Variants in WDR41 observed in about 807,000 individuals in gnomAD.
WDR41 encodes WD repeat-containing protein 41.
In WDR41, 63 loss-of-function variants were observed where a neutral mutation model predicts 69.3. The observed-to-expected ratio is 0.91, with a 90% confidence interval of 0.74 to 1.12. WDR41 has a LOEUF of 1.12. Ranked by LOEUF, WDR41 falls within the 50% of genes most tolerant of loss-of-function variation. WDR41 has a pLI of 0.00. For missense variants in WDR41, 543 were observed against 534.5 expected, an observed-to-expected ratio of 1.02 and a Z score of -0.16; for synonymous variants, 185 against 192.1, an observed-to-expected ratio of 0.96 and a Z score of 0.31.
chr5:77,443,703 C>G (rs1207612993), intron 8 of WDR41, among the ~76,000 whole-genome samples: 2 of 152,090 alleles, frequency 1.3e-5, no homozygotes, highest in East Asian at 3.9e-4. Context: ...CCCCTTGACT[C>G]TCACTCTGCA....
At chr5:77,614,501 A>G (rs1006214935) in intron 1 of WDR41, among the ~76,000 whole-genome samples, 10 of 151,406 alleles carry the variant, frequency 6.6e-5, no homozygotes, top group Non-Finnish European at 1.2e-4. Context: ...TTGTAGGGAC[A>G]TGGATGAAAT....
At chr5:77,584,463 A>T (rs1415886367) in intron 1 of WDR41, among the ~76,000 whole-genome samples, 2 of 152,328 alleles carry the variant, frequency 1.3e-5, no homozygotes, top group South Asian at 4.1e-4. Flanking sequence ...TAAGAAAGCA[A>T]TTTAATTTAT....
chr5:77,446,275 G>C (rs558381947), intron 8 of WDR41, among the ~76,000 whole-genome samples: 23 of 151,830 alleles, frequency 1.5e-4, no homozygotes, highest in Admixed American at 2.6e-4. Flanking sequence ...GAAATGGGAG[G>C]ACACATATAA....
In WDR41 at chr5:77,431,861, ATTT is replaced by A. The variant is rs1270783446; in HGVS notation, c.*1271_*1273del. 1 of 133,770 alleles carries A rather than the reference ATTT, an allele frequency of 7.5e-6. No homozygotes were observed. The highest frequency in any genetic ancestry group is 2.8e-5 in the African/African-American group (1 of 35,242). The allele number at this position is 133,770 out of a possible 1,614,324, so 8.3% of individuals were successfully genotyped here. ...CTTTTCATGACTCAATGTTGTTTGG[ATTT>A]AAAGTAGTCATATAAGCCTTTTCTC... On this transcript the variant is annotated 3_prime_UTR_variant, in exon 13 of 13. Coordinates refer to ENST00000296679, the MANE Select transcript of WDR41 (RefSeq NM_018268.4).
chr5:77,437,313 C>A, intron 11 of WDR41, 23 bp downstream of exon 11: 1 of 1,604,360 alleles, frequency 6.2e-7, no homozygotes, highest in Non-Finnish European at 8.5e-7. Context: ...AAAAAGACTA[C>A]CTTTTTGAGA....
At chr5:77,476,535 A>G (rs1442694148) in intron 2 of WDR41, among the ~76,000 whole-genome samples, 13 of 151,960 alleles carry the variant, frequency 8.6e-5, no homozygotes, top group Middle Eastern at 3.2e-3. Flanking sequence ...TCTTAAAGAA[A>G]AGAATTTTCA....
chr5:77,529,079 GAA>G (rs1802487850), intron 1 of WDR41, among the ~76,000 whole-genome samples: 1 of 151,350 alleles, frequency 6.6e-6, no homozygotes, highest in African/African-American at 2.4e-5. Flanking sequence ...GAATTGGAAA[GAA>G]AGAGATAAAA....
intron 1 of WDR41, among the ~76,000 whole-genome samples, chr5:77,603,406 A>G (rs1360813899): frequency 6.6e-6 from 1 of 152,100 alleles, no homozygotes; most frequent in African/African-American, 2.4e-5. Flanking sequence ...CCACTTTTCA[A>G]TGGGGATTAT....
At chr5:77,443,214 A>G (rs1473805501) in intron 8 of WDR41, among the ~76,000 whole-genome samples, 1 of 152,164 alleles carries the variant, frequency 6.6e-6, no homozygotes, top group Non-Finnish European at 1.5e-5. Flanking sequence ...AAAAGACATC[A>G]AATATTATCT....
At position 77,517,631 on chromosome 5, in the gene WDR41, C is replaced by CATATATATATATATATATAT. The variant is rs34773798; in HGVS notation, c.43-28079_43-28060dup. Among the ~76,000 whole-genome samples the CATATATATATATATATATAT allele has an allele frequency of 2.3e-3, 321 of 141,102 alleles. 4 individuals are homozygous for CATATATATATATATATATAT. The highest frequency in any genetic ancestry group is 6.4e-3 in the African/African-American group (240 of 37,518). 92.6% of individuals were successfully genotyped at this position (141,102 alleles called of 152,430 possible). The stretch of plus-strand genomic sequence containing the variant: ...TTGACATTTATTCATATTTATTGAA[C>CATATATATATATATATATAT]ATATATATATATATATATATATATA... On this transcript the variant is annotated intron_variant, in intron 1 of 5. Transcript: ENST00000509971.
intron 1 of WDR41, among the ~76,000 whole-genome samples, chr5:77,521,248 C>A (rs1802366299): frequency 6.6e-6 from 1 of 152,236 alleles, no homozygotes; most frequent in South Asian, 2.1e-4. Context: ...AAGGAGCATG[C>A]AACCTATATA....
intron 2 of WDR41, among the ~76,000 whole-genome samples, chr5:77,473,779 A>C (rs1256217960): frequency 6.6e-6 from 1 of 152,206 alleles, no homozygotes; most frequent in East Asian, 1.9e-4. Flanking sequence ...GGCGATCATT[A>C]AAAAGTCAGG....
chr5:77,505,001 C>T (rs1169885768), intron 1 of WDR41, among the ~76,000 whole-genome samples: 1 of 152,136 alleles, frequency 6.6e-6, no homozygotes, highest in Admixed American at 6.6e-5. Context: ...TCCTATTCAA[C>T]ATAGTGTTGG....
At chr5:77,518,796 C>A (rs1010578774) in intron 1 of WDR41, among the ~76,000 whole-genome samples, 1 of 152,054 alleles carries the variant, frequency 6.6e-6, no homozygotes, top group African/African-American at 2.4e-5. Context: ...AAGGATACTA[C>A]TTTCAGAATC....
chr5:77,585,306 C>A (rs1041999507), intron 1 of WDR41, among the ~76,000 whole-genome samples: 1 of 151,992 alleles, frequency 6.6e-6, no homozygotes, highest in Non-Finnish European at 1.5e-5. Context: ...TGGCCATAAT[C>A]AAAAAATCAA....
intron 1 of WDR41, among the ~76,000 whole-genome samples, chr5:77,510,368 G>A (rs1021950818): frequency 3.3e-5 from 5 of 152,160 alleles, no homozygotes; most frequent in African/African-American, 1.2e-4. Context: ...CAACACATGG[G>A]AATTATGGGA....
intron 2 of WDR41, among the ~76,000 whole-genome samples, chr5:77,488,085 G>A (rs1801603384): frequency 6.6e-6 from 1 of 152,154 alleles, no homozygotes; most frequent in Admixed American, 6.5e-5. Flanking sequence ...AGTTCTGTGA[G>A]TCCTTCTAGT....
At chr5:77,436,857 A>C (rs1798954795) in intron 11 of WDR41, among the ~76,000 whole-genome samples, 1 of 152,228 alleles carries the variant, frequency 6.6e-6, no homozygotes, top group Admixed American at 6.5e-5. Context: ...TAACTAATTT[A>C]TTCAACCCTT....
chr5:77,474,667 A>C (rs2112009411), intron 2 of WDR41, among the ~76,000 whole-genome samples: 1 of 151,604 alleles, frequency 6.6e-6, no homozygotes, highest in South Asian at 2.1e-4. Context: ...AACATCTAAA[A>C]GTCTAAGGTC....
Sources: allele counts gnomAD v4.1 joint callset (sites outside exome capture counted in the v4.1 genomes callset), GRCh38; gene constraint gnomAD v4.1.1; transcripts MANE v1.5; gene names NCBI Gene and HGNC (gene_info 2026-07-23, HGNC 2026-07-21).